SGSM3: variants seen among roughly 807,000 people sequenced by gnomAD.
SGSM3 encodes RUN and SH3 containing 3.
In SGSM3, 96 loss-of-function variants were observed where a neutral mutation model predicts 100.5. The observed-to-expected ratio is 0.96, with a 90% CI of 0.81 to 1.13. The LOEUF (loss-of-function observed/expected upper bound fraction) is 1.13. Ranked by LOEUF, SGSM3 falls within the 50% of genes most tolerant of loss-of-function variation. SGSM3 has a pLI of 0.00. For synonymous variants in SGSM3, 483 were observed against 422.8 expected (o/e 1.14, Z -1.75); for missense variants, 1,001 against 1,015.8 (o/e 0.99, Z 0.20).
chr22:40,383,549 G>A (rs2047937541), intron 1 of SGSM3, among the ~76,000 whole-genome samples: 1 of 151,950 alleles, frequency 6.6e-6, no homozygotes, highest in Non-Finnish European at 1.5e-5. Flanking sequence ...TGGTGTTTCA[G>A]AGCTAAGCAC....
rs1467393577 is a variant in SGSM3 at position 40,408,127 on chromosome 22, G to A, written c.1629+7G>A. The stretch of plus-strand genomic sequence containing the variant: ...GGATGAGCGCAGCAAAGAGGTGAGG[G>A]GGGTGGGCGGGCTAGGCACGGCTGG... On this transcript the variant is annotated splice_region_variant and intron_variant, in intron 15 of 21. Coordinates refer to ENST00000248929, the MANE Select transcript of SGSM3 (RefSeq NM_015705.6). 1 of 1,610,906 alleles carries A rather than the reference G, an allele frequency of 6.2e-7. No homozygotes were observed. Among genetic ancestry groups the A allele is most frequent in the African/African-American group, 1.3e-5 (1 of 74,992 alleles).
intron 4 of SGSM3, among the ~76,000 whole-genome samples, chr22:40,403,635 G>C (rs1417201695): frequency 1.3e-5 from 2 of 152,222 alleles, no homozygotes; most frequent in Non-Finnish European, 2.9e-5. Context: ...ATGGCAGGGG[G>C]TGAGGACAGA....
chr22:40,398,040 T>G (rs1316737034), intron 1 of SGSM3, among the ~76,000 whole-genome samples: 1 of 140,732 alleles, frequency 7.1e-6, no homozygotes, highest in Admixed American at 7.3e-5. Flanking sequence ...CCATCTCAAC[T>G]CACTGCAACC....
chr22:40,405,980 C>G, intron 8 of SGSM3, 98 bp from the exon 9 acceptor site: 1 of 1,511,176 alleles, frequency 6.6e-7, no homozygotes, highest in Non-Finnish European at 9.0e-7. Context: ...CTGCCCCCTC[C>G]CCTCCTTTGC....
chr22:40,403,199 A>G (rs1412945944), intron 4 of SGSM3, among the ~76,000 whole-genome samples: 1 of 152,186 alleles, frequency 6.6e-6, no homozygotes, highest in East Asian at 1.9e-4. Flanking sequence ...TACACCTAAC[A>G]TTTGTGCATT....
At chr22:40,386,375 A>G (rs181618068) in intron 1 of SGSM3, among the ~76,000 whole-genome samples, 1 of 152,182 alleles carries the variant, frequency 6.6e-6, no homozygotes, top group Admixed American at 6.5e-5. Context: ...TAAGAGGACA[A>G]CCTCGTGACG....
At chr22:40,408,023 GTCC>G (rs2051880211) in intron 14 of SGSM3, 45 bp from the exon 15 acceptor site, 1 of 1,597,252 alleles carries the variant, frequency 6.3e-7, no homozygotes. Flanking sequence ...TGTCTGCTCT[GTCC>G]TCGGCCCTCG....
In SGSM3 at chr22:40,407,770, T is replaced by C. The variant is rs1453425745; in HGVS notation, c.1525-19T>C. On this transcript the variant is annotated intron_variant, in intron 13 of 21. Coordinates refer to ENST00000248929, the MANE Select transcript of SGSM3 (RefSeq NM_015705.6). This position sits in a 1 kb window ranked among gnomAD's most constrained non-coding sequence, Gnocchi z 4.7. The stretch of plus-strand genomic sequence containing the variant: ...CAGGGCACCCAGCTTTGGTTCCTGC[T>C]GTTTTTCCTCCTGTGCAGATCGTGT... 3.7e-6 allele frequency: 6 copies of C among 1,613,936 alleles called. No individual in the cohort carries two copies. In the African/African-American group the frequency reaches 8.0e-5, roughly 22 times the overall value.
chr22:40,405,854 C>T lies in SGSM3; in HGVS notation c.814+10C>T. The T allele has an allele frequency of 6.2e-7, 1 of 1,601,622 alleles. No individual in the cohort carries two copies. Among genetic ancestry groups the T allele is most frequent in the Non-Finnish European group, 8.5e-7 (1 of 1,171,912 alleles). On this transcript the variant is annotated intron_variant, in intron 8 of 21. Transcript: ENST00000248929. Reference sequence around the variant, plus strand: ...CAGGAGCATGACATTGGTAAGGCGCCCCTGAGCCACTGGCTCCCATTCTGC... The same window carrying T: ...CAGGAGCATGACATTGGTAAGGCGCTCCTGAGCCACTGGCTCCCATTCTGC...
At chr22:40,402,313 G>C in intron 4 of SGSM3, 108 bp downstream of exon 4, 1 of 847,022 alleles carries the variant, frequency 1.2e-6, no homozygotes, top group South Asian at 1.4e-5. Context: ...TGATGCGTCA[G>C]GGTTCCAGAT....
intron 6 of SGSM3, 146 bp from the exon 7 acceptor site, chr22:40,404,995 G>A (rs1480376325): frequency 2.2e-5 from 25 of 1,116,818 alleles, no homozygotes; most frequent in Admixed American, 2.6e-5. Flanking sequence ...CACACTGGCT[G>A]GGAGCTGACC....
chr22:40,410,214 C>G lies in SGSM3; in HGVS notation c.*455C>G. 2 of 1,058,490 alleles carry G rather than the reference C, an allele frequency of 1.9e-6. No homozygotes were observed. The highest frequency in any genetic ancestry group is 2.3e-6 in the Non-Finnish European group (2 of 875,472). 65.6% of individuals were successfully genotyped at this position (1,058,490 alleles called of 1,614,324 possible). A position where few individuals can be genotyped will look rare whatever the true frequency, so the allele number is the denominator to read the frequency against. On this transcript the variant is annotated 3_prime_UTR_variant, in exon 22 of 22. Coordinates refer to ENST00000248929, the MANE Select transcript of SGSM3 (RefSeq NM_015705.6). Reference sequence around the variant, plus strand: ...AAGGCACTGCGTGGCCCCTCAGATGCTGGGACACAACAGACCCGGGACCCA... The same window carrying G: ...AAGGCACTGCGTGGCCCCTCAGATGGTGGGACACAACAGACCCGGGACCCA...
chr22:40,380,738 C>T (rs150332646), intron 1 of SGSM3, among the ~76,000 whole-genome samples: 1 of 152,086 alleles, frequency 6.6e-6, no homozygotes, highest in Non-Finnish European at 1.5e-5. Flanking sequence ...GAATTTAAGA[C>T]CAGCCTGGGC....
At chr22:40,405,416 ACT>A in intron 7 of SGSM3, 132 bp downstream of exon 7, 1 of 969,458 alleles carries the variant, frequency 1.0e-6, no homozygotes, top group East Asian at 2.8e-5. Context: ...GTGGCCTCCC[ACT>A]CCGGGGCGTC....
intron 1 of SGSM3, chr22:40,390,105 C>T (rs1447024615): frequency 1.3e-5 from 2 of 152,108 alleles, no homozygotes; most frequent in Non-Finnish European, 2.9e-5. Context: ...AAAATCTAAA[C>T]TTTGTAGAAG....
intron 1 of SGSM3, among the ~76,000 whole-genome samples, chr22:40,391,387 G>A (rs2049343643): frequency 6.6e-6 from 1 of 152,140 alleles, no homozygotes; most frequent in South Asian, 2.1e-4. Context: ...GCAGGAGGAT[G>A]CCTTGAGCCC....
chr22:40,399,047 G>A lies in SGSM3; in HGVS notation c.-111-1649G>A, dbSNP rs1454530616. On this transcript the variant is annotated intron_variant, in intron 1 of 21. Transcript: ENST00000248929. ...CACCCAGGCTGGAGGGCAGTGGTGC[G>A]ATCTTGGCTCACTGCAACCTCTGCC... Among the ~76,000 whole-genome samples, 6 of 139,144 alleles carry A rather than the reference G, an allele frequency of 4.3e-5. 2 individuals carry two copies. The highest frequency in any genetic ancestry group is 9.3e-5 in the Non-Finnish European group (6 of 64,514). The allele number at this position is 139,144 out of a possible 152,430, so 91.3% of individuals were successfully genotyped here.
intron 1 of SGSM3, among the ~76,000 whole-genome samples, chr22:40,374,701 G>T (rs2046258826): frequency 6.6e-6 from 1 of 152,200 alleles, no homozygotes; most frequent in Non-Finnish European, 1.5e-5. Flanking sequence ...GGGCAACATG[G>T]CGAAATGCCA....
chr22:40,398,085 G>A (rs763160258), intron 1 of SGSM3, among the ~76,000 whole-genome samples: 37 of 148,584 alleles, frequency 2.5e-4, no homozygotes, highest in Non-Finnish European at 4.3e-4. Flanking sequence ...CTCCTGCCTC[G>A]GCCTCCCGAG....
Sources: gnomAD v4.1 joint callset for allele counts (sites outside exome capture counted in the v4.1 genomes callset) on GRCh38, gnomAD v4.1.1 for gene constraint, Gnocchi (gnomAD v3.1) non-coding constraint, MANE v1.5 for transcripts, NCBI Gene and HGNC (gene_info 2026-07-23, HGNC 2026-07-21) for gene names.